The following DAB1 variants were observed in gnomAD, a reference collection of about 807,000 sequenced individuals.
The protein encoded by DAB1 is disabled homolog 1.
Under a neutral mutation model 64.6 loss-of-function variants are expected in DAB1, and 15 were observed. The ratio of observed to expected loss-of-function variants is 0.23; its 90% CI spans 0.16 to 0.36. DAB1 has a LOEUF of 0.36. Among genes scored for constraint, DAB1 ranks in the 10% least tolerant of loss-of-function variants. The pLI is 1.00. For missense variants in DAB1, 596 were observed against 706.7 expected (o/e 0.84, Z 1.78); for synonymous variants, 235 against 251.9 (o/e 0.93, Z 0.64).
intron 1 of DAB1, among the ~76,000 whole-genome samples, chr1:57,360,219 A>C (rs1298182534): frequency 6.6e-6 from 1 of 152,054 alleles, no homozygotes. Flanking sequence ...TGTCAATTTT[A>C]AACTAATTAA....
chr1:57,049,613 G>C (rs1249373443), intron 9 of DAB1, among the ~76,000 whole-genome samples: 1 of 151,950 alleles, frequency 6.6e-6, no homozygotes, highest in Non-Finnish European at 1.5e-5. Context: ...CTCCCTGTTT[G>C]TCTCATCCCA....
intron 1 of DAB1, among the ~76,000 whole-genome samples, chr1:57,850,553 T>C (rs530896795): frequency 6.6e-6 from 1 of 151,568 alleles, no homozygotes; most frequent in South Asian, 2.1e-4. Context: ...ACACACCTCA[T>C]AGGGGAAATC....
intron 4 of DAB1, among the ~76,000 whole-genome samples, chr1:57,087,843 C>T (rs1054311290): frequency 2.6e-5 from 4 of 152,176 alleles, no homozygotes; most frequent in Admixed American, 6.5e-5. Flanking sequence ...TATCTTTAAC[C>T]TGTCCGGGCT....
At chr1:57,572,319 T>G (rs1645202364) in intron 7 of DAB1, among the ~76,000 whole-genome samples, 1 of 152,164 alleles carries the variant, frequency 6.6e-6, no homozygotes, top group African/African-American at 2.4e-5. Context: ...GGGCTTTTGT[T>G]TCCTCATCTG....
intron 1 of DAB1, among the ~76,000 whole-genome samples, chr1:58,540,373 A>G (rs1438404241): frequency 2.0e-5 from 3 of 152,148 alleles, no homozygotes; most frequent in Non-Finnish European, 4.4e-5. Context: ...CAAGCATGCA[A>G]GCAGCAAGAT....
intron 1 of DAB1, among the ~76,000 whole-genome samples, chr1:57,409,891 A>G (rs1683970670): frequency 6.6e-6 from 1 of 152,194 alleles, no homozygotes. Context: ...TTGCATAACT[A>G]TGCTGTGGGA....
chr1:57,919,437 CAT>C (rs1158481749), intron 5 of DAB1, among the ~76,000 whole-genome samples: 1 of 152,178 alleles, frequency 6.6e-6, no homozygotes, highest in Non-Finnish European at 1.5e-5. Context: ...GCTTGTGAAA[CAT>C]GTGAAAGGCA....
chr1:58,070,658 A>AT (rs1214239727), intron 5 of DAB1, among the ~76,000 whole-genome samples: 1 of 152,124 alleles, frequency 6.6e-6, no homozygotes, highest in Non-Finnish European at 1.5e-5. Context: ...GTGAGATGGG[A>AT]TGCAGGCCTG....
At chr1:57,696,677 T>A (rs1172963689) in intron 6 of DAB1, among the ~76,000 whole-genome samples, 1 of 152,180 alleles carries the variant, frequency 6.6e-6, no homozygotes, top group Admixed American at 6.5e-5. Context: ...CCAGAGCAAC[T>A]GCCTGCCACT....
chr1:58,541,064 C>T (rs1646601111), intron 1 of DAB1, among the ~76,000 whole-genome samples: 1 of 151,848 alleles, frequency 6.6e-6, no homozygotes, highest in Non-Finnish European at 1.5e-5. Context: ...AATCCCAGCA[C>T]TTTGGGAGGC....
At position 57,218,411 on chromosome 1, in the gene DAB1, T is replaced by C. The variant is rs917693896; in HGVS notation, c.67+72553A>G. 1.0e-4 allele frequency among the ~76,000 whole-genome samples: 15 copies of C among 148,428 alleles called. 1 individual carries two copies. The highest frequency in any genetic ancestry group is 3.8e-4 in the African/African-American group (15 of 39,938). On this transcript the variant is annotated intron_variant, in intron 2 of 14. Transcript: ENST00000371236. ...CTTTCATAACCAGAGCAGGGTTTGGTGGCTCGCATCTGCAATCCCAAACTT... is the reference window on the plus strand; with the variant it reads ...CTTTCATAACCAGAGCAGGGTTTGGCGGCTCGCATCTGCAATCCCAAACTT...
intron 3 of DAB1, among the ~76,000 whole-genome samples, chr1:58,385,760 C>G (rs1468879279): frequency 2.0e-5 from 3 of 152,198 alleles, no homozygotes; most frequent in Non-Finnish European, 4.4e-5. Context: ...TAAATCAGAC[C>G]CTTCTGCTTC....
intron 2 of DAB1, among the ~76,000 whole-genome samples, chr1:57,169,945 G>A (rs1193330080): frequency 6.6e-6 from 1 of 151,632 alleles, no homozygotes; most frequent in African/African-American, 2.4e-5. Context: ...TGATGATTCT[G>A]AGTAAAGTCT....
At chr1:58,438,379 C>A (rs2100259585) in intron 3 of DAB1, among the ~76,000 whole-genome samples, 1 of 152,208 alleles carries the variant, frequency 6.6e-6, no homozygotes, top group Admixed American at 6.5e-5. Context: ...TGGCATTTAG[C>A]TGTGATGGAA....
intron 3 of DAB1, among the ~76,000 whole-genome samples, chr1:58,413,420 T>G (rs570835432): frequency 1.3e-5 from 2 of 152,314 alleles, no homozygotes; most frequent in Admixed American, 6.5e-5. Flanking sequence ...TTAAGTAACA[T>G]GCCTAAACCA....
intron 4 of DAB1, among the ~76,000 whole-genome samples, chr1:57,105,155 T>G (rs1167815368): frequency 6.6e-6 from 1 of 152,088 alleles, no homozygotes; most frequent in Admixed American, 6.6e-5. Context: ...TTTGGGGTCT[T>G]TGTAGGCAAA....
chr1:57,073,663 T>C (rs77831633), intron 4 of DAB1, among the ~76,000 whole-genome samples: 431 of 152,236 alleles, frequency 2.8e-3, no homozygotes, highest in African/African-American at 9.6e-3. Flanking sequence ...ACTGTACCCC[T>C]GTGTACCTCA....
chr1:58,542,667 C>T (rs988601830), intron 1 of DAB1, among the ~76,000 whole-genome samples: 4 of 152,166 alleles, frequency 2.6e-5, no homozygotes, highest in Admixed American at 1.3e-4. Flanking sequence ...CAAAAACAAC[C>T]CAAGCCCACT....
chr1:57,479,440 T>C (rs1447570308), intron 7 of DAB1, among the ~76,000 whole-genome samples: 5 of 148,684 alleles, frequency 3.4e-5, no homozygotes, highest in Non-Finnish European at 7.4e-5. Flanking sequence ...ATTTAACATA[T>C]ATAATATATA....
Sources: allele counts gnomAD v4.1 joint callset (sites outside exome capture counted in the v4.1 genomes callset), GRCh38; gene constraint gnomAD v4.1.1; transcripts MANE v1.5; gene names NCBI Gene and HGNC (gene_info 2026-07-23, HGNC 2026-07-21).